The following RBPJ variants were observed in gnomAD, a reference collection of about 807,000 sequenced individuals.
RBPJ encodes the protein recombination signal binding protein for immunoglobulin kappa J region.
RBPJ carries 9 observed loss-of-function variants against 67.8 expected under a neutral mutation model. The ratio of observed to expected loss-of-function variants is 0.13; its 90% CI spans 0.08 to 0.23. The LOEUF (loss-of-function observed/expected upper bound fraction) is 0.23. Among genes scored for constraint, RBPJ ranks in the 10% least tolerant of loss-of-function variants. The probability of loss-of-function intolerance (pLI) is 1.00; values close to 1 mark genes in which losing one functional copy is unlikely to be tolerated. For missense variants in RBPJ, 305 were observed against 595.6 expected (o/e 0.51, Z 5.08); for synonymous variants, 198 against 203.3 (o/e 0.97, Z 0.22).
At chr4:26,356,296 C>G (rs1366232122) in intron 1 of RBPJ, among the ~76,000 whole-genome samples, 1 of 152,204 alleles carries the variant, frequency 6.6e-6, no homozygotes, top group Non-Finnish European at 1.5e-5. Context: ...TGCACATGCA[C>G]TTGGGCTCTG....
At chr4:26,119,405 A>G in the RBPJ span, among the ~76,000 whole-genome samples, 826 of 152,272 alleles carry the variant, frequency 5.4e-3, 11 homozygotes, top group African/African-American at 0.019. Context: ...TGCCAACCCA[A>G]TAAAGAAAGT....
At chr4:26,188,230 C>T (rs1717347552) in intron 1 of RBPJ, among the ~76,000 whole-genome samples, 1 of 152,040 alleles carries the variant, frequency 6.6e-6, no homozygotes, top group South Asian at 2.1e-4. Context: ...TACACACACA[C>T]ACACGTAAAA....
chr4:26,118,550 C>T, the RBPJ span, among the ~76,000 whole-genome samples: 24 of 152,256 alleles, frequency 1.6e-4, 1 homozygote, highest in Admixed American at 1.3e-4. Context: ...AAAGATCACT[C>T]GGGCTTGCAG....
chr4:26,319,155 G>T (rs1043932592), upstream of RBPJ, among the ~76,000 whole-genome samples: 2 of 152,038 alleles, frequency 1.3e-5, no homozygotes, highest in African/African-American at 4.8e-5. Flanking sequence ...TCCCGGAGGC[G>T]GGGGGCGCGG....
chr4:26,357,947 A>G (rs988754284), intron 1 of RBPJ, among the ~76,000 whole-genome samples: 3 of 151,916 alleles, frequency 2.0e-5, no homozygotes, highest in Non-Finnish European at 4.4e-5. Flanking sequence ...CATATACCAC[A>G]TTTAAAATCC....
chr4:26,269,267 T>TTTAA (rs1365347708), intron 1 of RBPJ, among the ~76,000 whole-genome samples: 1 of 151,162 alleles, frequency 6.6e-6, no homozygotes, highest in Admixed American at 6.6e-5. Context: ...TATTTATTTA[T>TTTAA]TTTTTTGACA....
chr4:26,205,997 ATT>A (rs35294117), intron 1 of RBPJ, among the ~76,000 whole-genome samples: 1 of 151,902 alleles, frequency 6.6e-6, no homozygotes, highest in Non-Finnish European at 1.5e-5. Context: ...ATATATGCGT[ATT>A]TTTTTTATAA....
upstream of RBPJ, among the ~76,000 whole-genome samples, chr4:26,162,209 G>T (rs1306380753): frequency 6.6e-6 from 1 of 152,250 alleles, no homozygotes; most frequent in Non-Finnish European, 1.5e-5. Flanking sequence ...TTGGGTGTTA[G>T]TGTACCCTGG....
chr4:26,259,097 C>T (rs904375650), intron 1 of RBPJ, among the ~76,000 whole-genome samples: 5 of 152,038 alleles, frequency 3.3e-5, no homozygotes, highest in Admixed American at 6.6e-5. Flanking sequence ...CCACCATGCC[C>T]GGCCTAAACA....
At chr4:26,298,437 AGT>A (rs756412991) in intron 1 of RBPJ, among the ~76,000 whole-genome samples, 1 of 152,214 alleles carries the variant, frequency 6.6e-6, no homozygotes, top group African/African-American at 2.4e-5. Flanking sequence ...ACAAATAATC[AGT>A]GTGTTTTTTT....
chr4:26,377,484 G>A lies in RBPJ; in HGVS notation c.21-8869G>A, dbSNP rs545329304. Reference sequence around the variant, plus strand: ...CTAGAAGGCAGACAAAATCATCAGGGAACTGTGACTGAAATTCATAAAGGC... The same window carrying A: ...CTAGAAGGCAGACAAAATCATCAGGAAACTGTGACTGAAATTCATAAAGGC... On this transcript the variant is annotated intron_variant, in intron 1 of 10. Coordinates refer to ENST00000355476, the MANE Select transcript of RBPJ (RefSeq NM_015874.6). Among the ~76,000 whole-genome samples, 3 of 152,260 alleles carry A rather than the reference G, an allele frequency of 2.0e-5. No individual in the cohort carries two copies. In the East Asian group the frequency reaches 5.8e-4, roughly 29 times the overall value.
At position 26,266,301 on chromosome 4, in the gene RBPJ, A is replaced by C. The variant is rs562486726; in HGVS notation, c.-166-96145A>C. On this transcript the variant is annotated intron_variant, in intron 1 of 4. Coordinates refer to the RBPJ transcript ENST00000512351. ...AAGGACAGATTAATAAGAAAAAAGC[A>C]CACAGGCTTACTTAATTTATATTTT... Among the ~76,000 whole-genome samples the C allele has an allele frequency of 5.3e-5, 8 of 152,350 alleles. No individual in the cohort carries two copies. In the East Asian group the frequency reaches 1.4e-3, roughly 26 times the overall value.
chr4:26,390,992 G>C (rs1731439661), intron 2 of RBPJ, among the ~76,000 whole-genome samples: 1 of 152,186 alleles, frequency 6.6e-6, no homozygotes, highest in Non-Finnish European at 1.5e-5. Context: ...AGGAGGTTAA[G>C]GCTGCTGTAA....
intron 3 of RBPJ, among the ~76,000 whole-genome samples, chr4:26,407,348 A>G (rs550353854): frequency 4.0e-5 from 6 of 151,072 alleles, no homozygotes; most frequent in Admixed American, 3.3e-4. Context: ...AGAAACAGCA[A>G]AACTGGGTTC....
intron 1 of RBPJ, among the ~76,000 whole-genome samples, chr4:26,305,686 A>G (rs753824702): frequency 2.6e-5 from 4 of 151,466 alleles, no homozygotes; most frequent in African/African-American, 7.3e-5. Flanking sequence ...TTTTTATATT[A>G]ATCTTGTATT....
intron 1 of RBPJ, among the ~76,000 whole-genome samples, chr4:26,338,968 C>T (rs183774012): frequency 3.9e-4 from 59 of 151,818 alleles, no homozygotes; most frequent in Admixed American, 1.8e-3. Context: ...TACAGCTGTG[C>T]GCCACCATGC....
the RBPJ span, among the ~76,000 whole-genome samples, chr4:26,108,601 A>G: frequency 6.6e-6 from 1 of 152,370 alleles, no homozygotes; most frequent in African/African-American, 2.4e-5. Context: ...GGAGAGGAAT[A>G]TTACCTATCT....
intron 1 of RBPJ, among the ~76,000 whole-genome samples, chr4:26,250,024 G>T (rs1050016907): frequency 2.0e-5 from 3 of 151,792 alleles, no homozygotes; most frequent in African/African-American, 4.8e-5. Flanking sequence ...GACCTCAGGT[G>T]GTCCCCCCGC....
At chr4:26,276,476 T>G (rs1170054627) in intron 1 of RBPJ, among the ~76,000 whole-genome samples, 1 of 152,050 alleles carries the variant, frequency 6.6e-6, no homozygotes, top group African/African-American at 2.4e-5. Flanking sequence ...ATGCTACATG[T>G]CCCAATGAAA....
Sources: gnomAD v4.1 joint callset for allele counts (sites outside exome capture counted in the v4.1 genomes callset) on GRCh38, gnomAD v4.1.1 for gene constraint, MANE v1.5 for transcripts, NCBI Gene and HGNC (gene_info 2026-07-23, HGNC 2026-07-21) for gene names.